The following CSMD1 variants were observed in gnomAD, a reference collection of about 807,000 sequenced individuals.
The protein encoded by CSMD1 is CUB and sushi domain-containing protein 1.
A neutral mutation model predicts 417.5 loss-of-function variants in CSMD1; 213 were observed. The ratio of observed to expected loss-of-function variants is 0.51; its 90% confidence interval spans 0.46 to 0.57. CSMD1 has a LOEUF of 0.57. CSMD1 is among the 20% of genes least tolerant of loss of function. The pLI is 0.00. For missense variants in CSMD1, 6,923 were observed against 4,529.7 expected (o/e 1.53, Z -15.17); for synonymous variants, 2,862 against 1,736.8 (o/e 1.65, Z -16.11).
chr8:4,311,603 G>C (rs952295421), intron 3 of CSMD1, among the ~76,000 whole-genome samples: 1 of 151,602 alleles, frequency 6.6e-6, no homozygotes, highest in Non-Finnish European at 1.5e-5. Context: ...GGCGCCTGTA[G>C]TCCCAGCTAC....
At chr8:4,748,716 T>A (rs2117038357) in intron 1 of CSMD1, among the ~76,000 whole-genome samples, 1 of 152,342 alleles carries the variant, frequency 6.6e-6, no homozygotes, top group African/African-American at 2.4e-5. Flanking sequence ...GTTGCAGATA[T>A]TCAAAGAATA....
At chr8:3,217,289 C>T (rs115340782) in intron 29 of CSMD1, among the ~76,000 whole-genome samples, 2,877 of 152,318 alleles carry the variant, frequency 0.019, 87 homozygotes, top group African/African-American at 0.065. Context: ...CACTGGAGAG[C>T]TTTTAAAACC....
At chr8:3,262,217 A>ATC (rs1801129805) in intron 26 of CSMD1, among the ~76,000 whole-genome samples, 6 of 122,704 alleles carry the variant, frequency 4.9e-5, no homozygotes, top group African/African-American at 1.6e-4. Flanking sequence ...ATATATATAT[A>ATC]TATATATATA....
intron 1 of CSMD1, among the ~76,000 whole-genome samples, chr8:4,667,810 A>C (rs1258453610): frequency 6.6e-6 from 1 of 152,184 alleles, no homozygotes; most frequent in Non-Finnish European, 1.5e-5. Flanking sequence ...AATAAAGATA[A>C]TCTTATTTTA....
At chr8:4,519,456 G>T (rs1247248660) in intron 2 of CSMD1, among the ~76,000 whole-genome samples, 2 of 151,404 alleles carry the variant, frequency 1.3e-5, no homozygotes, top group Admixed American at 1.3e-4. Flanking sequence ...TTTGCTAGGG[G>T]AAGCTGGGCA....
At chr8:3,288,555 C>T (rs1055453614) in intron 25 of CSMD1, among the ~76,000 whole-genome samples, 1 of 147,276 alleles carries the variant, frequency 6.8e-6, no homozygotes, top group Non-Finnish European at 1.5e-5. Context: ...AGAATTTATC[C>T]ATTTCTTCTA....
At chr8:4,016,267 G>T (rs573056914) in intron 4 of CSMD1, among the ~76,000 whole-genome samples, 56 of 152,030 alleles carry the variant, frequency 3.7e-4, no homozygotes, top group Non-Finnish European at 7.1e-4. Context: ...GTAATTCATA[G>T]GTACCTAAAA....
intron 10 of CSMD1, among the ~76,000 whole-genome samples, chr8:3,505,105 C>G (rs941691729): frequency 2.0e-5 from 3 of 151,852 alleles, no homozygotes; most frequent in African/African-American, 7.3e-5. Context: ...ATAAAGTAAC[C>G]CAAGCATCAC....
intron 5 of CSMD1, among the ~76,000 whole-genome samples, chr8:3,976,918 T>C (rs181677091): frequency 3.3e-4 from 50 of 152,256 alleles, no homozygotes; most frequent in African/African-American, 1.1e-3. Context: ...TTGTTAGCCA[T>C]TTACATAGTG....
At chr8:3,263,617 T>C (rs572898430) in intron 26 of CSMD1, among the ~76,000 whole-genome samples, 89 of 152,354 alleles carry the variant, frequency 5.8e-4, no homozygotes, top group African/African-American at 2.0e-3. Context: ...TATGAAATTA[T>C]ATTTTTGAGA....
chr8:4,208,527 G>C (rs558946613), intron 3 of CSMD1, among the ~76,000 whole-genome samples: 7 of 152,164 alleles, frequency 4.6e-5, no homozygotes, highest in Non-Finnish European at 1.0e-4. Context: ...CATAAGAACA[G>C]ATTATATTTT....
chr8:3,447,291 T>C (rs969830226), intron 12 of CSMD1, among the ~76,000 whole-genome samples: 1 of 152,154 alleles, frequency 6.6e-6, no homozygotes. Flanking sequence ...GAATTAAATA[T>C]TTTAATGAAA....
chr8:4,312,650 G>C (rs531135787), intron 3 of CSMD1, among the ~76,000 whole-genome samples: 7 of 151,884 alleles, frequency 4.6e-5, no homozygotes, highest in African/African-American at 1.2e-4. Flanking sequence ...GCCGAGGTGA[G>C]TGGATCACCT....
intron 2 of CSMD1, among the ~76,000 whole-genome samples, chr8:4,452,302 G>C (rs1285028442): frequency 6.6e-6 from 1 of 152,142 alleles, no homozygotes; most frequent in Non-Finnish European, 1.5e-5. Flanking sequence ...AACTATTTAG[G>C]TGAATTATTT....
rs551315138 is a variant in CSMD1 at position 4,150,694 on chromosome 8, G to A, written c.416-118595C>T. On this transcript the variant is annotated intron_variant, in intron 3 of 69. Transcript: ENST00000635120. ...TAAGGAGTGTTTAGCATTTGGTTTA[G>A]AACCTTAGGGTGTGGAAAGCAGATT... Among the ~76,000 whole-genome samples, 141 of 152,286 alleles carry A rather than the reference G, an allele frequency of 9.3e-4. 6 individuals carry two copies. The South Asian group carries it at 0.028, about 30-fold the overall frequency.
chr8:3,958,781 G>T (rs778909627), intron 5 of CSMD1, among the ~76,000 whole-genome samples: 15 of 152,180 alleles, frequency 9.9e-5, no homozygotes, highest in African/African-American at 3.6e-4. Flanking sequence ...GTTCAAAGAG[G>T]AACGACATTA....
At chr8:3,945,174 A>C (rs1585011103) in intron 5 of CSMD1, among the ~76,000 whole-genome samples, 1 of 87,148 alleles carries the variant, frequency 1.1e-5, no homozygotes, top group East Asian at 3.7e-4. Context: ...GACCATGAGA[A>C]AGACAAAAAA....
intron 3 of CSMD1, among the ~76,000 whole-genome samples, chr8:4,353,398 G>C (rs908022818): frequency 6.6e-6 from 1 of 152,112 alleles, no homozygotes; most frequent in African/African-American, 2.4e-5. Context: ...GGAACTGTGA[G>C]TCCACTAAAC....
intron 1 of CSMD1, among the ~76,000 whole-genome samples, chr8:4,781,277 G>C (rs983018355): frequency 5.3e-5 from 8 of 152,168 alleles, no homozygotes; most frequent in Non-Finnish European, 1.0e-4. Flanking sequence ...CAGTGGATCA[G>C]CATCATGAAA....
Sources: gnomAD v4.1 joint callset for allele counts (sites outside exome capture counted in the v4.1 genomes callset) on GRCh38, gnomAD v4.1.1 for gene constraint, MANE v1.5 for transcripts, NCBI Gene and HGNC (gene_info 2026-07-23, HGNC 2026-07-21) for gene names.